PLD5: variants seen among roughly 807,000 people sequenced by gnomAD.
The protein encoded by PLD5 is phospholipase D family member 5.
PLD5 carries 36 observed loss-of-function variants against 61.1 expected under a neutral mutation model. The observed-to-expected ratio is 0.59, with a 90% CI of 0.45 to 0.78. The LOEUF (loss-of-function observed/expected upper bound fraction) is 0.78, where lower values mean the gene tolerates loss of function less well. Among genes scored for constraint, PLD5 ranks in the 30% least tolerant of loss-of-function variants. The pLI is 0.00. For missense variants in PLD5, 515 were observed against 644.4 expected, an observed-to-expected ratio of 0.80 and a Z score of 2.17; for synonymous variants, 243 against 242.8, an observed-to-expected ratio of 1.00 and a Z score of -0.01.
intron 5 of PLD5, among the ~76,000 whole-genome samples, chr1:242,162,613 T>A (rs940390791): frequency 6.6e-6 from 1 of 152,130 alleles, no homozygotes; most frequent in Non-Finnish European, 1.5e-5. Context: ...TCTTAGTGAT[T>A]GTCTACGCAG....
At chr1:242,304,799 T>C (rs1676252011) in intron 2 of PLD5, among the ~76,000 whole-genome samples, 1 of 152,200 alleles carries the variant, frequency 6.6e-6, no homozygotes, top group Non-Finnish European at 1.5e-5. Context: ...CAAATAACAG[T>C]TTTTGGTAAT....
At chr1:242,146,205 T>A (rs1282312631) in intron 5 of PLD5, among the ~76,000 whole-genome samples, 3 of 152,186 alleles carry the variant, frequency 2.0e-5, no homozygotes, top group African/African-American at 7.2e-5. Flanking sequence ...TTGTGTGTTG[T>A]TACCCTTTGC....
Position 242,466,370 on chromosome 1 carries a change from G to T in PLD5, c.189+57718C>A, listed in dbSNP as rs1044306610. Among the ~76,000 whole-genome samples the T allele has an allele frequency of 1.3e-5, 2 of 152,106 alleles. 1 individual carries two copies. The highest frequency in any genetic ancestry group is 1.3e-4 in the Admixed American group (2 of 15,282). ...AGATACTCAACAGATTAATAATAGT[G>T]ACTGCTAGTGAGAAATTAGTACGGG... On this transcript the variant is annotated intron_variant, in intron 1 of 9. Coordinates refer to ENST00000536534, the MANE Select transcript of PLD5 (RefSeq NM_001372062.1).
At chr1:242,364,695 G>T (rs1307171845) in intron 1 of PLD5, among the ~76,000 whole-genome samples, 1 of 152,080 alleles carries the variant, frequency 6.6e-6, no homozygotes, top group Admixed American at 6.6e-5. Flanking sequence ...CAGCCTGGTT[G>T]ATAGAGCAAG....
chr1:242,316,929 T>C (rs1390660456), intron 2 of PLD5, among the ~76,000 whole-genome samples: 1 of 152,178 alleles, frequency 6.6e-6, no homozygotes, highest in Non-Finnish European at 1.5e-5. Context: ...TCTATGACCC[T>C]GTAAAAGACA....
chr1:242,139,380 G>A (rs191071747), intron 5 of PLD5, among the ~76,000 whole-genome samples: 10 of 152,030 alleles, frequency 6.6e-5, no homozygotes, highest in African/African-American at 2.4e-4. Flanking sequence ...CCTCCTTCCT[G>A]GTCACTGCAA....
At chr1:242,503,437 A>T (rs1572257863) in intron 1 of PLD5, among the ~76,000 whole-genome samples, 1 of 152,354 alleles carries the variant, frequency 6.6e-6, no homozygotes, top group East Asian at 1.9e-4. Context: ...TACAGCTTGC[A>T]GAACCATGAG....
intron 1 of PLD5, among the ~76,000 whole-genome samples, chr1:242,394,112 G>C (rs1663178617): frequency 7.2e-6 from 1 of 138,520 alleles, no homozygotes; most frequent in South Asian, 2.3e-4. Context: ...GTATATATAT[G>C]AGTATATATA....
intron 4 of PLD5, among the ~76,000 whole-genome samples, chr1:242,228,041 A>G (rs1221100952): frequency 6.6e-6 from 1 of 152,216 alleles, no homozygotes; most frequent in Admixed American, 6.5e-5. Context: ...AACTAGTTTC[A>G]TAACTAGTGT....
At chr1:242,440,456 A>G (rs924089632) in intron 1 of PLD5, among the ~76,000 whole-genome samples, 9 of 150,012 alleles carry the variant, frequency 6.0e-5, no homozygotes, top group Admixed American at 6.6e-5. Context: ...TTGATGCAGA[A>G]TAATTAAAGA....
intron 3 of PLD5, among the ~76,000 whole-genome samples, chr1:242,281,294 T>C (rs1404691672): frequency 6.6e-6 from 1 of 152,178 alleles, no homozygotes; most frequent in Non-Finnish European, 1.5e-5. Context: ...AGGAAGAATA[T>C]TGCAGAAAAG....
chr1:242,255,279 A>G (rs1164605466), intron 4 of PLD5, among the ~76,000 whole-genome samples: 1 of 152,160 alleles, frequency 6.6e-6, no homozygotes, highest in Admixed American at 6.5e-5. Flanking sequence ...AAACTACCAA[A>G]TTATACTTAT....
At chr1:242,390,695 T>C (rs967016072) in intron 1 of PLD5, among the ~76,000 whole-genome samples, 6 of 152,068 alleles carry the variant, frequency 3.9e-5, no homozygotes, top group Non-Finnish European at 8.8e-5. Context: ...TTCCTGTATT[T>C]TAATATGTGG....
intron 1 of PLD5, among the ~76,000 whole-genome samples, chr1:242,360,075 C>T (rs1042057523): frequency 3.3e-5 from 5 of 152,016 alleles, no homozygotes; most frequent in African/African-American, 1.2e-4. Context: ...AATCGTAAAG[C>T]AATATTTCCC....
intron 1 of PLD5, among the ~76,000 whole-genome samples, chr1:242,426,203 A>G (rs1665413268): frequency 6.6e-6 from 1 of 151,488 alleles, no homozygotes; most frequent in Admixed American, 6.6e-5. Flanking sequence ...ATCTTATCCC[A>G]CTGGAAGGTA....
intron 1 of PLD5, among the ~76,000 whole-genome samples, chr1:242,451,660 G>A (rs183530313): frequency 2.0e-3 from 308 of 151,456 alleles, no homozygotes; most frequent in African/African-American, 6.7e-3. Flanking sequence ...GGGCTTCACC[G>A]TGTTGCCCAG....
In PLD5 at chr1:242,090,009, G is replaced by C; in HGVS notation, c.1456C>G (p.Leu486Val). The C allele has an allele frequency of 6.2e-7, 1 of 1,614,210 alleles. No homozygotes were observed. Among genetic ancestry groups the C allele is most frequent in the Non-Finnish European group, 8.5e-7 (1 of 1,180,048 alleles). The change falls in exon 10 of 10, where the codon CTT becomes GTT. Residue 486 changes from leucine (L) to valine (V), a missense_variant. By Grantham distance (32) the Leu-to-Val change is conservative (BLOSUM62 1). Around this residue, in one of 2 missense-constraint regions of PLD5, gnomAD observed 450 missense variants for 598.1 expected, o/e 0.75. Transcript: ENST00000536534. Reference protein sequence around the residue: ...VRNNRSIIKQLKDVFERDWYS... With the variant: ...VRNNRSIIKQVKDVFERDWYS... ...CAGTCCCTTTCAAACACATCTTTAA[G>C]TTGCTTAATGATGCTTCTGTTGTTC...
At chr1:242,463,058 C>T (rs749557438) in intron 1 of PLD5, among the ~76,000 whole-genome samples, 75 of 152,172 alleles carry the variant, frequency 4.9e-4, no homozygotes, top group Non-Finnish European at 8.5e-4. Flanking sequence ...TCACTAGCTG[C>T]GAACGCTCTG....
chr1:242,225,596 C>T (rs897176186), intron 4 of PLD5, among the ~76,000 whole-genome samples: 16 of 151,722 alleles, frequency 1.1e-4, no homozygotes, highest in Non-Finnish European at 2.2e-4. Context: ...CCCATTCATG[C>T]TGTCATGTGG....
Sources: gnomAD v4.1 joint callset for allele counts (sites outside exome capture counted in the v4.1 genomes callset) on GRCh38, gnomAD v4.1.1 for gene constraint, gnomAD v4.1.1 regional missense constraint, MANE v1.5 for transcripts, NCBI Gene and HGNC (gene_info 2026-07-23, HGNC 2026-07-21) for gene names.